TMEM132D: variants seen among roughly 807,000 people sequenced by gnomAD.
TMEM132D encodes the protein transmembrane protein 132D.
In TMEM132D, 21 loss-of-function variants were observed where a neutral mutation model predicts 62.3. That is an observed-to-expected ratio of 0.34 (90% CI 0.24 to 0.49). TMEM132D has a LOEUF of 0.49. TMEM132D is among the 20% of genes least tolerant of loss of function. TMEM132D has a pLI of 0.99. For missense variants in TMEM132D, 1,346 were observed against 1,402.8 expected (o/e 0.96, Z 0.65); for synonymous variants, 621 against 575.6 (o/e 1.08, Z -1.13).
rs551821758 is a variant in TMEM132D at position 129,484,031 on chromosome 12, G to A, written c.1115+47028C>T. On this transcript the variant is annotated intron_variant, in intron 3 of 8. Transcript: ENST00000422113. Reference sequence around the variant, plus strand: ...GTCACTCAGGCTGGAGTGCCATGGCGTGATTTCAGCTTACTGTAACCTTCA... The same window carrying A: ...GTCACTCAGGCTGGAGTGCCATGGCATGATTTCAGCTTACTGTAACCTTCA... Among the ~76,000 whole-genome samples, 12 of 152,136 alleles carry A rather than the reference G, an allele frequency of 7.9e-5. No individual in the cohort carries two copies. The South Asian group carries it at 1.5e-3, about 18-fold the overall frequency.
chr12:129,399,068 A>T (rs77659769), intron 3 of TMEM132D, among the ~76,000 whole-genome samples: 2 of 142,814 alleles, frequency 1.4e-5, no homozygotes, highest in African/African-American at 5.7e-5. Flanking sequence ...AGGAGCACAC[A>T]CATGGGACAA....
intron 5 of TMEM132D, among the ~76,000 whole-genome samples, chr12:129,097,588 A>G (rs981818565): frequency 1.3e-5 from 2 of 152,358 alleles, no homozygotes; most frequent in African/African-American, 4.8e-5. Context: ...AAATGGCCTT[A>G]GGCCTCCAAT....
chr12:129,490,500 C>A (rs1269485457), intron 3 of TMEM132D, among the ~76,000 whole-genome samples: 1 of 139,140 alleles, frequency 7.2e-6, no homozygotes, highest in African/African-American at 2.7e-5. Flanking sequence ...GCGATCTCGG[C>A]TCACTGCAAG....
intron 8 of TMEM132D, 73 bp downstream of exon 8, chr12:129,078,461 G>T: frequency 2.0e-6 from 3 of 1,486,322 alleles, no homozygotes; most frequent in Non-Finnish European, 1.8e-6. Flanking sequence ...CCCGCCTGGC[G>T]TGGTGCCTGC....
At chr12:129,358,230 G>C (rs143506395) in intron 3 of TMEM132D, among the ~76,000 whole-genome samples, 21 of 152,102 alleles carry the variant, frequency 1.4e-4, no homozygotes, top group African/African-American at 5.1e-4. Flanking sequence ...TTTATTTCTG[G>C]GTTTCATTGC....
chr12:129,537,716 C>G lies in TMEM132D; in HGVS notation c.969-6511G>C, dbSNP rs138228399. 4.6e-5 allele frequency among the ~76,000 whole-genome samples: 7 copies of G among 152,256 alleles called. 1 individual carries two copies. Among genetic ancestry groups the G allele is most frequent in the African/African-American group, 1.7e-4 (7 of 41,538 alleles). ...GAAGTAGAGAACAGTTCGAGGAGAC[C>G]AAAGAGAAGAGGAATTGGTTCACAG... On this transcript the variant is annotated intron_variant, in intron 2 of 8. Transcript: ENST00000422113.
chr12:129,824,442 C>A (rs1257490669), intron 1 of TMEM132D, among the ~76,000 whole-genome samples: 1 of 152,100 alleles, frequency 6.6e-6, no homozygotes, highest in Non-Finnish European at 1.5e-5. Flanking sequence ...TGTGCCCTCC[C>A]CCGCCCCCAG....
intron 2 of TMEM132D, among the ~76,000 whole-genome samples, chr12:129,676,255 A>G (rs1246605020): frequency 1.3e-5 from 2 of 151,806 alleles, no homozygotes; most frequent in African/African-American, 4.9e-5. Context: ...GTAGTACTTG[A>G]TATCTACCTG....
At chr12:129,763,753 A>C (rs200391785) in intron 1 of TMEM132D, among the ~76,000 whole-genome samples, 1 of 1,024 alleles carries the variant, frequency 9.8e-4, no homozygotes, top group African/African-American at 1.3e-3. Context: ...TGGACCCCCA[A>C]GGCTGCAGGT....
intron 5 of TMEM132D, among the ~76,000 whole-genome samples, chr12:129,176,146 C>G (rs1158627529): frequency 6.6e-6 from 1 of 152,228 alleles, no homozygotes; most frequent in Non-Finnish European, 1.5e-5. Flanking sequence ...ATGTTCATAC[C>G]TCCAGAGTTA....
rs565354175 is a variant in TMEM132D, at chr12:129,685,295, A to C, written c.968+14515T>G. On this transcript the variant is annotated intron_variant, in intron 2 of 8. Coordinates refer to ENST00000422113, the MANE Select transcript of TMEM132D (RefSeq NM_133448.3). Reference sequence around the variant, plus strand: ...AAAAATGGTTTCTTGGGCTGGGCCCAGGGCCCCCCTACTGTATGCAGCCTA... The same window carrying C: ...AAAAATGGTTTCTTGGGCTGGGCCCCGGGCCCCCCTACTGTATGCAGCCTA... Among the ~76,000 whole-genome samples, 325 of 152,290 alleles carry C rather than the reference A, an allele frequency of 2.1e-3. 2 individuals are homozygous for C. The highest frequency in any genetic ancestry group is 7.3e-3 in the African/African-American group (302 of 41,560).
chr12:129,858,580 A>G (rs1406364084), intron 1 of TMEM132D, among the ~76,000 whole-genome samples: 5 of 36,998 alleles, frequency 1.4e-4, no homozygotes, highest in Non-Finnish European at 2.3e-4. Flanking sequence ...CCCTTGTAAC[A>G]GAGTCCGGGG....
At chr12:129,075,755 C>T (rs1874232281) in intron 8 of TMEM132D, among the ~76,000 whole-genome samples, 1 of 152,216 alleles carries the variant, frequency 6.6e-6, no homozygotes, top group African/African-American at 2.4e-5. Context: ...ACTGGAAGAC[C>T]AAAAAGCAGC....
At chr12:129,325,623 G>A (rs1260474029) in intron 4 of TMEM132D, among the ~76,000 whole-genome samples, 1 of 152,152 alleles carries the variant, frequency 6.6e-6, no homozygotes, top group Non-Finnish European at 1.5e-5. Flanking sequence ...AACCCCTCAT[G>A]CACTCCAGCC....
intron 4 of TMEM132D, chr12:129,210,781 A>G (rs1879019028): frequency 6.6e-6 from 1 of 152,250 alleles, no homozygotes; most frequent in Non-Finnish European, 1.5e-5. Flanking sequence ...CAGGGAAAGG[A>G]CTGGGATTTA....
intron 5 of TMEM132D, among the ~76,000 whole-genome samples, chr12:129,156,505 A>G (rs1877250172): frequency 6.6e-6 from 1 of 152,078 alleles, no homozygotes; most frequent in Non-Finnish European, 1.5e-5. Context: ...ATGATAACCA[A>G]TCCACTCCCA....
At chr12:129,536,753 T>C (rs1876401032) in intron 2 of TMEM132D, among the ~76,000 whole-genome samples, 1 of 152,222 alleles carries the variant, frequency 6.6e-6, no homozygotes, top group African/African-American at 2.4e-5. Context: ...ACTATTCCAC[T>C]ATAGCCAGTT....
chr12:129,090,175 TA>T (rs1284683695), intron 5 of TMEM132D, among the ~76,000 whole-genome samples: 1 of 152,176 alleles, frequency 6.6e-6, no homozygotes, highest in Non-Finnish European at 1.5e-5. Context: ...GTGTCTTCAG[TA>T]TCTGCCACCA....
chr12:129,292,077 T>C (rs1471372832), intron 4 of TMEM132D, among the ~76,000 whole-genome samples: 1 of 152,164 alleles, frequency 6.6e-6, no homozygotes, highest in Non-Finnish European at 1.5e-5. Context: ...ATGCCTATCA[T>C]GTTAGGATGA....
Sources: gnomAD v4.1 joint callset for allele counts (sites outside exome capture counted in the v4.1 genomes callset) on GRCh38, gnomAD v4.1.1 for gene constraint, MANE v1.5 for transcripts, NCBI Gene and HGNC (gene_info 2026-07-23, HGNC 2026-07-21) for gene names.